The following ANTXR2 variants were observed in gnomAD, a reference collection of about 807,000 sequenced individuals.
The protein encoded by ANTXR2 is anthrax toxin receptor 2.
In ANTXR2, 44 loss-of-function variants were observed where a neutral mutation model predicts 73.7. The observed-to-expected ratio is 0.60, with a 90% CI of 0.47 to 0.77. The LOEUF is 0.77. ANTXR2 is among the 30% of genes least tolerant of loss of function. The probability of loss-of-function intolerance (pLI) is 0.00; values close to 1 mark genes in which losing one functional copy is unlikely to be tolerated. For synonymous variants in ANTXR2, 217 were observed against 205.9 expected, an observed-to-expected ratio of 1.05 and a Z score of -0.46; for missense variants, 604 against 592.5, an observed-to-expected ratio of 1.02 and a Z score of -0.20.
At chr4:80,023,971 G>C (rs534522927) in intron 10 of ANTXR2, among the ~76,000 whole-genome samples, 1 of 152,324 alleles carries the variant, frequency 6.6e-6, no homozygotes, top group Admixed American at 6.5e-5. Flanking sequence ...TCTTGTTACA[G>C]TGTAAGGCAG....
At chr4:79,932,106 T>C (rs559932324) in intron 16 of ANTXR2, among the ~76,000 whole-genome samples, 1 of 152,202 alleles carries the variant, frequency 6.6e-6, no homozygotes, top group Non-Finnish European at 1.5e-5. Context: ...AAAGAGAGAC[T>C]TGATATATCT....
At chr4:80,041,153 G>C (rs1203989146) in intron 7 of ANTXR2, among the ~76,000 whole-genome samples, 5 of 152,030 alleles carry the variant, frequency 3.3e-5, no homozygotes, top group East Asian at 1.9e-4. Flanking sequence ...CTGGGGCTTA[G>C]AAAGATTTTT....
chr4:79,987,154 G>A (rs1730203586), intron 12 of ANTXR2, among the ~76,000 whole-genome samples: 1 of 151,830 alleles, frequency 6.6e-6, no homozygotes, highest in Non-Finnish European at 1.5e-5. Context: ...TGAAATGACA[G>A]ACACAGAATC....
At chr4:80,034,427 A>G (rs908560372) in intron 8 of ANTXR2, among the ~76,000 whole-genome samples, 18 of 152,140 alleles carry the variant, frequency 1.2e-4, no homozygotes, top group Non-Finnish European at 2.4e-4. Context: ...GACAGATCCA[A>G]ATCAGAAGAG....
intron 3 of ANTXR2, among the ~76,000 whole-genome samples, chr4:80,065,622 T>C (rs1266963462): frequency 6.6e-6 from 1 of 152,234 alleles, no homozygotes; most frequent in Non-Finnish European, 1.5e-5. Flanking sequence ...ATAACATCAT[T>C]TTTTGGCATG....
At chr4:79,989,902 C>T (rs1289937241) in intron 12 of ANTXR2, among the ~76,000 whole-genome samples, 1 of 151,802 alleles carries the variant, frequency 6.6e-6, no homozygotes, top group African/African-American at 2.4e-5. Flanking sequence ...TCTCAATAGA[C>T]TCAGAAAAAA....
At chr4:79,985,255 C>A (rs1369291848) in intron 12 of ANTXR2, among the ~76,000 whole-genome samples, 1 of 151,362 alleles carries the variant, frequency 6.6e-6, no homozygotes, top group Non-Finnish European at 1.5e-5. Flanking sequence ...GAGGCTGAGG[C>A]AGGAGAATGG....
chr4:80,008,404 A>C, intron 12 of ANTXR2, 117 bp downstream of exon 12: 1 of 698,798 alleles, frequency 1.4e-6, no homozygotes, highest in South Asian at 2.1e-5. Context: ...GACAATTAAA[A>C]TTCATTTTGC....
At chr4:79,934,714 G>A (rs913573903) in intron 16 of ANTXR2, among the ~76,000 whole-genome samples, 11 of 152,002 alleles carry the variant, frequency 7.2e-5, no homozygotes, top group South Asian at 6.2e-4. Flanking sequence ...CTAAGGAAAC[G>A]CCATGCATTG....
intron 16 of ANTXR2, among the ~76,000 whole-genome samples, chr4:79,956,014 G>A (rs759195819): frequency 3.9e-5 from 6 of 152,122 alleles, no homozygotes; most frequent in Non-Finnish European, 5.9e-5. Flanking sequence ...GAACACGCTT[G>A]TCCCTCTTGG....
intron 12 of ANTXR2, among the ~76,000 whole-genome samples, chr4:79,986,605 C>T (rs980275751): frequency 7.2e-5 from 11 of 152,108 alleles, no homozygotes; most frequent in African/African-American, 2.4e-4. Flanking sequence ...AGTGGCTCCC[C>T]GCTGCCCTGT....
intron 7 of ANTXR2, among the ~76,000 whole-genome samples, chr4:80,042,250 T>A (rs1463308411): frequency 6.6e-6 from 1 of 152,098 alleles, no homozygotes; most frequent in Non-Finnish European, 1.5e-5. Flanking sequence ...AACAGGCACT[T>A]AGAAAACTGC....
chr4:79,925,501 A>G (rs1011683920), intron 16 of ANTXR2, among the ~76,000 whole-genome samples: 2 of 152,094 alleles, frequency 1.3e-5, no homozygotes, highest in Non-Finnish European at 2.9e-5. Context: ...GTAACCTTCA[A>G]TCGGGAAGGT....
chr4:80,009,619 G>A (rs1462944010), intron 11 of ANTXR2, among the ~76,000 whole-genome samples: 1 of 152,022 alleles, frequency 6.6e-6, no homozygotes, highest in Non-Finnish European at 1.5e-5. Flanking sequence ...GGAGGCCGAG[G>A]CAGGTGATCA....
chr4:79,996,964 A>G (rs987555377), intron 12 of ANTXR2, among the ~76,000 whole-genome samples: 5 of 150,088 alleles, frequency 3.3e-5, no homozygotes, highest in African/African-American at 1.2e-4. Context: ...TTCTTCTCCA[A>G]TTTTTTTTTC....
intron 8 of ANTXR2, among the ~76,000 whole-genome samples, chr4:80,034,544 T>C (rs138560993): frequency 6.6e-6 from 1 of 152,290 alleles, no homozygotes; most frequent in East Asian, 1.9e-4. Context: ...AGTTGCCTTG[T>C]TTGGTCTATC....
intron 12 of ANTXR2, among the ~76,000 whole-genome samples, chr4:79,989,566 G>A (rs781460673): frequency 6.6e-6 from 1 of 151,976 alleles, no homozygotes; most frequent in Non-Finnish European, 1.5e-5. Flanking sequence ...GAGAAGACCT[G>A]GTACCAATCC....
intron 11 of ANTXR2, among the ~76,000 whole-genome samples, chr4:80,016,608 G>T (rs966100042): frequency 4.6e-5 from 7 of 152,136 alleles, no homozygotes; most frequent in African/African-American, 1.7e-4. Flanking sequence ...CTCCAGACTT[G>T]CATATTCAGG....
At chr4:79,988,048 T>C (rs1730271638) in intron 12 of ANTXR2, among the ~76,000 whole-genome samples, 1 of 151,682 alleles carries the variant, frequency 6.6e-6, no homozygotes, top group South Asian at 2.1e-4. Flanking sequence ...AAAGCAACTA[T>C]ACAATCAAGT....
Sources: allele counts gnomAD v4.1 joint callset (sites outside exome capture counted in the v4.1 genomes callset), GRCh38; gene constraint gnomAD v4.1.1; transcripts MANE v1.5; gene names NCBI Gene and HGNC (gene_info 2026-07-23, HGNC 2026-07-21).